SLC4A10: variants seen among roughly 807,000 people sequenced by gnomAD.
The protein encoded by SLC4A10 is sodium-driven chloride bicarbonate exchanger.
Under a neutral mutation model 137.7 loss-of-function variants are expected in SLC4A10, and 42 were observed. The ratio of observed to expected loss-of-function variants is 0.30; its 90% CI spans 0.24 to 0.39. SLC4A10 has a LOEUF of 0.39. Among genes scored for constraint, SLC4A10 ranks in the 10% least tolerant of loss-of-function variants. The probability of loss-of-function intolerance (pLI) is 1.00; values close to 1 mark genes in which losing one functional copy is unlikely to be tolerated. For synonymous variants in SLC4A10, 474 were observed against 464.1 expected (o/e 1.02, Z -0.27); for missense variants, 925 against 1,355.0 (o/e 0.68, Z 4.98).
At chr2:161,657,662 G>C (rs1432105550) in intron 1 of SLC4A10, among the ~76,000 whole-genome samples, 1 of 151,906 alleles carries the variant, frequency 6.6e-6, no homozygotes, top group Non-Finnish European at 1.5e-5. Flanking sequence ...TGATAGATAT[G>C]ATAAATTTGT....
chr2:161,803,178 C>G (rs566913537), intron 2 of SLC4A10, among the ~76,000 whole-genome samples: 1 of 152,028 alleles, frequency 6.6e-6, no homozygotes, highest in Non-Finnish European at 1.5e-5. Flanking sequence ...TTTTCTGTAG[C>G]TACAAATGTT....
chr2:161,796,955 G>A (rs1043906711), intron 2 of SLC4A10, among the ~76,000 whole-genome samples: 1 of 151,916 alleles, frequency 6.6e-6, no homozygotes, highest in African/African-American at 2.4e-5. Flanking sequence ...CTATTTCCCT[G>A]AAGCAAAGTG....
intron 1 of SLC4A10, among the ~76,000 whole-genome samples, chr2:161,677,933 G>A (rs370973223): frequency 1.2e-4 from 18 of 152,188 alleles, no homozygotes; most frequent in East Asian, 7.7e-4. Flanking sequence ...GAGGGCAAGA[G>A]GTATATCCTG....
intron 9 of SLC4A10, among the ~76,000 whole-genome samples, chr2:161,879,668 A>C (rs2125961015): frequency 6.6e-6 from 1 of 152,062 alleles, no homozygotes; most frequent in Middle Eastern, 3.4e-3. Context: ...AGTGCGGTCA[A>C]ACTCAAAAAC....
intron 1 of SLC4A10, among the ~76,000 whole-genome samples, chr2:161,705,716 G>T (rs1482939135): frequency 6.6e-6 from 1 of 151,518 alleles, no homozygotes; most frequent in Non-Finnish European, 1.5e-5. Context: ...TCCATGTGAG[G>T]TTAGAGTGAG....
intron 1 of SLC4A10, among the ~76,000 whole-genome samples, chr2:161,660,777 C>T (rs1327193290): frequency 6.6e-6 from 1 of 151,586 alleles, no homozygotes; most frequent in African/African-American, 2.4e-5. Flanking sequence ...CCTCAGCCTC[C>T]CAAGTGGCTG....
At position 161,775,417 on chromosome 2, in the gene SLC4A10, A is replaced by G. The variant is rs567677440; in HGVS notation, c.130+4363A>G. Among the ~76,000 whole-genome samples, 19 of 151,992 alleles carry G rather than the reference A, an allele frequency of 1.3e-4. No individual in the cohort carries two copies. The South Asian group carries it at 3.7e-3, about 30-fold the overall frequency. On this transcript the variant is annotated intron_variant, in intron 2 of 26. Transcript: ENST00000446997. ...GGCTATGTTAACTCTCCTACCTTCT[A>G]TCATAATAGAGTCCAAGAGGATTTG...
intron 4 of SLC4A10, among the ~76,000 whole-genome samples, chr2:161,850,437 T>A (rs1031360559): frequency 3.9e-5 from 6 of 152,140 alleles, no homozygotes; most frequent in Admixed American, 3.3e-4. Flanking sequence ...TCTGGTTTAA[T>A]CTTGGGCAGT....
chr2:161,947,454 A>G (rs1694026620), intron 16 of SLC4A10, 112 bp from the exon 17 acceptor site: 2 of 1,096,096 alleles, frequency 1.8e-6, no homozygotes, highest in East Asian at 5.6e-5. Flanking sequence ...TGAGAGCCAT[A>G]AAGGAAAAGC....
At chr2:161,930,939 A>G (rs4664439) in intron 15 of SLC4A10, among the ~76,000 whole-genome samples, 49,441 of 123,742 alleles carry the variant, frequency 0.4, 8,447 homozygotes, top group African/African-American at 0.47. Flanking sequence ...GTTTTGTTTT[A>G]TTTTGTTTTT....
At chr2:161,797,524 ATTCGTTAGCCAGT>A (rs1283269497) in intron 2 of SLC4A10, among the ~76,000 whole-genome samples, 4 of 142,522 alleles carry the variant, frequency 2.8e-5, no homozygotes, top group African/African-American at 1.2e-4. Context: ...GCTGGGCTTG[ATTCGTTAGCCAGT>A]TTTTTTTTTT....
chr2:161,703,141 T>C, intron 1 of SLC4A10, among the ~76,000 whole-genome samples: 1 of 151,710 alleles, frequency 6.6e-6, no homozygotes, highest in East Asian at 1.9e-4. Context: ...TCAAAAACAT[T>C]AACATCCTTT....
chr2:161,641,536 T>C (rs1373468032), intron 1 of SLC4A10, among the ~76,000 whole-genome samples: 1 of 152,128 alleles, frequency 6.6e-6, no homozygotes, highest in African/African-American at 2.4e-5. Context: ...CTATCTTAAA[T>C]TGAGTAATCT....
rs1173322121 is a variant in SLC4A10, at chr2:161,969,277, C to G, written c.3159+4104C>G. The stretch of plus-strand genomic sequence containing the variant: ...GAGTTAAGCAGAATAAATAGCTACA[C>G]AGGCCAGTCCAAGGTCGCAGAGCTT... On this transcript the variant is annotated intron_variant, in intron 23 of 26. Transcript: ENST00000446997. 3.3e-5 allele frequency among the ~76,000 whole-genome samples: 5 copies of G among 152,152 alleles called. No homozygotes were observed. The East Asian group carries it at 7.7e-4, about 23-fold the overall frequency.
At chr2:161,654,138 T>C (rs998074548) in intron 1 of SLC4A10, among the ~76,000 whole-genome samples, 17 of 152,242 alleles carry the variant, frequency 1.1e-4, no homozygotes, top group African/African-American at 4.1e-4. Flanking sequence ...TTAGTGACAA[T>C]GACCGTCTTT....
chr2:161,797,018 G>A (rs1414325671), intron 2 of SLC4A10, among the ~76,000 whole-genome samples: 1 of 152,090 alleles, frequency 6.6e-6, no homozygotes, highest in Non-Finnish European at 1.5e-5. Context: ...GGGAGGTAAG[G>A]AAGTACCACT....
At chr2:161,733,157 A>G (rs768106845) in intron 1 of SLC4A10, among the ~76,000 whole-genome samples, 1 of 152,210 alleles carries the variant, frequency 6.6e-6, no homozygotes, top group Non-Finnish European at 1.5e-5. Context: ...GCCGCATGTT[A>G]ATCCCCAAGA....
chr2:161,669,045 T>G (rs116307911), intron 1 of SLC4A10, among the ~76,000 whole-genome samples: 539 of 152,108 alleles, frequency 3.5e-3, no homozygotes, highest in Non-Finnish European at 5.9e-3. Flanking sequence ...TGCCTCATGT[T>G]GAAGCTTGCC....
intron 6 of SLC4A10, among the ~76,000 whole-genome samples, chr2:161,871,742 A>G (rs554899115): frequency 6.6e-6 from 1 of 152,270 alleles, no homozygotes; most frequent in Non-Finnish European, 1.5e-5. Flanking sequence ...ATACTGTGTG[A>G]AATAAAGGTA....
Sources: gnomAD v4.1 joint callset for allele counts (sites outside exome capture counted in the v4.1 genomes callset) on GRCh38, gnomAD v4.1.1 for gene constraint, MANE v1.5 for transcripts, NCBI Gene and HGNC (gene_info 2026-07-23, HGNC 2026-07-21) for gene names.